Variants in TMEM217 observed in about 807,000 individuals in gnomAD.
TMEM217 encodes chromosome 6 open reading frame 128.
For missense variants in TMEM217, 204 were observed against 248.8 expected (o/e 0.82, Z 1.21); for synonymous variants, 76 against 88.3 (o/e 0.86, Z 0.78).
chr6:37,227,478 G>A (rs541845430), intron 1 of TMEM217, among the ~76,000 whole-genome samples: 1 of 152,006 alleles, frequency 6.6e-6, no homozygotes, highest in Non-Finnish European at 1.5e-5. Context: ...ACGGAGTCTC[G>A]CTCTGTCACC....
In TMEM217 at chr6:37,238,735, G is replaced by C. The variant is rs1764613112; in HGVS notation, c.-12+18833C>G. ...ACAAGCATGAAGACAAAAACAAGTA[G>C]GCTAAGGATGCCAACATGAAAGGGA... On this transcript the variant is annotated intron_variant, in intron 1 of 1. Transcript: ENST00000357219. Among the ~76,000 whole-genome samples, 8 of 152,284 alleles carry C rather than the reference G, an allele frequency of 5.3e-5. No homozygotes were observed. In the South Asian group the frequency reaches 1.7e-3, roughly 32 times the overall value.
At position 37,226,586 on chromosome 6, in the gene TMEM217, T is replaced by C. The variant is rs867594442; in HGVS notation, c.-11-7545A>G. Among the ~76,000 whole-genome samples the C allele has an allele frequency of 3.3e-5, 5 of 151,114 alleles. No individual in the cohort carries two copies. In the South Asian group the frequency reaches 8.4e-4, roughly 25 times the overall value. On this transcript the variant is annotated intron_variant, in intron 1 of 1. Transcript: ENST00000357219. ...TGCTGGGATTACAGGCGTGAGCCACTGCGCCCGGCCGAGACAGAGTCTTGC... is the reference window on the plus strand; with the variant it reads ...TGCTGGGATTACAGGCGTGAGCCACCGCGCCCGGCCGAGACAGAGTCTTGC...
chr6:37,236,638 C>T (rs1466826897), intron 1 of TMEM217, among the ~76,000 whole-genome samples: 1 of 148,980 alleles, frequency 6.7e-6, no homozygotes, highest in African/African-American at 2.5e-5. Flanking sequence ...GTTTGCTCAT[C>T]TTTAAATTGG....
At chr6:37,212,914 G>C (rs1020131578), downstream of TMEM217, 1 of 1,548,384 alleles carries the variant, frequency 6.5e-7, no homozygotes, top group Non-Finnish European at 8.7e-7. Context: ...GAAGAACTGG[G>C]TGGTATTAAG....
chr6:37,246,396 T>C (rs982015108), intron 1 of TMEM217, among the ~76,000 whole-genome samples: 1 of 152,168 alleles, frequency 6.6e-6, no homozygotes, highest in African/African-American at 2.4e-5. Flanking sequence ...AGTGCAGGCA[T>C]GGGAGTGGAA....
chr6:37,246,171 T>C (rs1765068993), intron 1 of TMEM217, among the ~76,000 whole-genome samples: 1 of 152,146 alleles, frequency 6.6e-6, no homozygotes, highest in South Asian at 2.1e-4. Context: ...TCTCTTCTAC[T>C]TCTCCTCTAA....
intron 1 of TMEM217, among the ~76,000 whole-genome samples, chr6:37,221,367 A>G (rs1054427527): frequency 2.0e-5 from 3 of 151,974 alleles, no homozygotes; most frequent in South Asian, 2.1e-4. Context: ...TTGTATTTTT[A>G]GTAGAGACGG....
chr6:37,248,975 C>T (rs758760720), intron 1 of TMEM217, among the ~76,000 whole-genome samples: 89 of 152,286 alleles, frequency 5.8e-4, no homozygotes, highest in Non-Finnish European at 4.3e-4. Context: ...TCCAGGTATT[C>T]CTTGGCTTGT....
At chr6:37,253,543 T>TA (rs1286949878) in intron 1 of TMEM217, among the ~76,000 whole-genome samples, 1 of 152,242 alleles carries the variant, frequency 6.6e-6, no homozygotes, top group African/African-American at 2.4e-5. Context: ...GTTGTTTAGA[T>TA]ACTATAAAGC....
chr6:37,228,249 G>T (rs1763957974), intron 1 of TMEM217, among the ~76,000 whole-genome samples: 1 of 152,148 alleles, frequency 6.6e-6, no homozygotes, highest in Admixed American at 6.5e-5. Context: ...AAAAAAGAAA[G>T]AAAAAGTTAC....
chr6:37,214,291 G>A (rs536434983), downstream of TMEM217, among the ~76,000 whole-genome samples: 4 of 152,106 alleles, frequency 2.6e-5, no homozygotes, highest in East Asian at 1.9e-4. Flanking sequence ...GCAGTGGTAC[G>A]ATCTTGGATC....
At chr6:37,218,925 G>T in exon 2 of TMEM217, 1 of 1,614,168 alleles carries the variant, frequency 6.2e-7, no homozygotes, top group Non-Finnish European at 8.5e-7. Flanking sequence ...TTCCCTAGGT[G>T]CTTCTGTTCA....
chr6:37,217,721 C>G, exon 2 of TMEM217: 1 of 985,332 alleles, frequency 1.0e-6, no homozygotes, highest in Non-Finnish European at 1.2e-6. Flanking sequence ...CACAAACCCA[C>G]CCCAGGGCCA....
chr6:37,218,343 T>C (rs1763332757), exon 2 of TMEM217: 2 of 1,175,796 alleles, frequency 1.7e-6, no homozygotes, highest in Non-Finnish European at 2.3e-6. Flanking sequence ...TAATTTTCTA[T>C]TTTTTTTAGT....
chr6:37,237,870 A>G (rs192950771), intron 1 of TMEM217, among the ~76,000 whole-genome samples: 59 of 152,320 alleles, frequency 3.9e-4, no homozygotes, highest in African/African-American at 1.3e-3. Flanking sequence ...AGAAAACTCT[A>G]AAACTGTATG....
chr6:37,252,589 A>G (rs6939705), intron 1 of TMEM217, among the ~76,000 whole-genome samples: 536 of 29,608 alleles, frequency 0.018, 5 homozygotes, highest in African/African-American at 0.091. Flanking sequence ...GTGTACGTGT[A>G]TGTGTGTGTG....
chr6:37,215,309 A>T, downstream of TMEM217: 2 of 1,608,006 alleles, frequency 1.2e-6, no homozygotes, highest in South Asian at 1.1e-5. Context: ...ACAAATGAAT[A>T]AAAATTGTTT....
intron 1 of TMEM217, among the ~76,000 whole-genome samples, chr6:37,236,195 C>G (rs915568822): frequency 6.6e-6 from 1 of 152,040 alleles, no homozygotes; most frequent in African/African-American, 2.4e-5. Flanking sequence ...CTATGTTGCC[C>G]AGGCTGGTCT....
exon 2 of TMEM217, chr6:37,218,214 G>C: frequency 7.6e-7 from 1 of 1,318,630 alleles, no homozygotes; most frequent in Non-Finnish European, 9.7e-7. Flanking sequence ...CTGTCACTCA[G>C]GCTGAAGTGC....
Sources: gnomAD v4.1 joint callset for allele counts (sites outside exome capture counted in the v4.1 genomes callset) on GRCh38, gnomAD v4.1.1 for gene constraint, MANE v1.5 for transcripts, NCBI Gene and HGNC (gene_info 2026-07-23, HGNC 2026-07-21) for gene names.